FXR2: variants seen among roughly 807,000 people sequenced by gnomAD.
The protein encoded by FXR2 is FMR1 autosomal homolog 2.
FXR2 carries 9 observed loss-of-function variants against 87.3 expected under a neutral mutation model. The ratio of observed to expected loss-of-function variants is 0.10; its 90% CI spans 0.06 to 0.18. The LOEUF is 0.18. Among genes scored for constraint, FXR2 ranks in the 10% least tolerant of loss-of-function variants. The probability of loss-of-function intolerance (pLI) is 1.00; values close to 1 mark genes in which losing one functional copy is unlikely to be tolerated. For synonymous variants in FXR2, 331 were observed against 328.3 expected (o/e 1.01, Z -0.09); for missense variants, 661 against 893.6 (o/e 0.74, Z 3.32).
chr17:7,609,819 G>C (rs114476771), intron 1 of FXR2, among the ~76,000 whole-genome samples: 4,683 of 151,238 alleles, frequency 0.031, 226 homozygotes, highest in African/African-American at 0.11. Context: ...GCTGAGGCCA[G>C]GAGTTCGAGA....
At chr17:7,600,133 A>G (rs2150943302) in intron 7 of FXR2, among the ~76,000 whole-genome samples, 1 of 152,040 alleles carries the variant, frequency 6.6e-6, no homozygotes, top group Non-Finnish European at 1.5e-5. Context: ...TCCCGACCTC[A>G]GGTGATCTGC....
intron 3 of FXR2, 106 bp from the exon 4 acceptor site, chr17:7,604,186 C>T (rs2071783118): frequency 1.2e-6 from 1 of 832,942 alleles, no homozygotes; most frequent in Non-Finnish European, 2.0e-6. Flanking sequence ...AATCTCAGCG[C>T]TTTGGGAGGC....
In FXR2 at chr17:7,593,160, G is replaced by A. The variant is rs201715714; in HGVS notation, c.1352C>T (p.Thr451Ile). 506 of 1,534,624 alleles carry A rather than the reference G, an allele frequency of 3.3e-4. 3 individuals carry two copies. The highest frequency in any genetic ancestry group is 1.2e-3 in the Middle Eastern group (7 of 5,648). ...PAYGPSSDVS[T>I]ASETESEKRE... ...CTTCTCTGACTCAGTCTCTGAAGCT[G>A]TAGACACATCTGAGCTGGGGCCTGA... Residue 451 changes from threonine to isoleucine, a missense_variant, in exon 13 of 17, where the codon ACA (threonine) becomes ATA (isoleucine). Coordinates refer to ENST00000250113, the MANE Select transcript of FXR2 (RefSeq NM_004860.4). The surrounding 1 kb of genome is among the most constrained non-coding windows in gnomAD (Gnocchi z 6.1).
intron 7 of FXR2, among the ~76,000 whole-genome samples, chr17:7,599,389 C>G (rs925591564): frequency 6.6e-6 from 1 of 152,084 alleles, no homozygotes; most frequent in Non-Finnish European, 1.5e-5. Context: ...GAGCAGGATC[C>G]CTGAAGAAGT....
In FXR2 at chr17:7,603,835, G is replaced by A; in HGVS notation, c.371C>T (p.Pro124Leu). 6.2e-7 allele frequency: 1 copy of A among 1,613,918 alleles called. No individual in the cohort carries two copies. Among genetic ancestry groups the A allele is most frequent in the East Asian group, 2.2e-5 (1 of 44,886 alleles). ...NEIVTLERLR[P>L]VNPNPLATKG... ...GGTTGCAAGGGGATTGGGATTAACT[G>A]GCCGAAGTCGCTCCAGGGTAACAAT... Residue 124 changes from proline to leucine, a missense_variant, in exon 5 of 17, where the codon CCA (proline) becomes CTA (leucine). By Grantham distance (98) the Pro-to-Leu change is moderately conservative. This residue lies in a region of FXR2 where 170 missense variants were observed against 247.2 expected (regional missense o/e 0.69). Coordinates refer to ENST00000250113, the MANE Select transcript of FXR2 (RefSeq NM_004860.4).
At chr17:7,602,149 C>T (rs1210183756) in intron 6 of FXR2, among the ~76,000 whole-genome samples, 8 of 152,142 alleles carry the variant, frequency 5.3e-5, no homozygotes, top group Admixed American at 2.6e-4. Flanking sequence ...AGAGGCCGGG[C>T]GTGGTGGCTC....
intron 1 of FXR2, 52 bp downstream of exon 1, chr17:7,614,400 G>T: frequency 7.5e-7 from 1 of 1,335,476 alleles, no homozygotes. Context: ...TTCCTGCTCC[G>T]GCCAGGGGAG....
chr17:7,598,449 C>T (rs903141309), intron 7 of FXR2, among the ~76,000 whole-genome samples: 5 of 151,956 alleles, frequency 3.3e-5, no homozygotes, highest in South Asian at 2.1e-4. Context: ...AGCGAGACTC[C>T]GTCTCAAAAA....
In FXR2 at chr17:7,592,203, C is replaced by A; in HGVS notation, c.1926+51G>T. ...TGTGAAATTTTTTGTGCCCCCTGCC[C>A]CAGAGTAACAACAAAAAAGGGATGG... On this transcript the variant is annotated intron_variant, in intron 16 of 16. Coordinates refer to ENST00000250113, the MANE Select transcript of FXR2 (RefSeq NM_004860.4). The surrounding 1 kb of genome is among the most constrained non-coding windows in gnomAD (Gnocchi z 4.8). 1 of 1,545,446 alleles carries A rather than the reference C, an allele frequency of 6.5e-7. No homozygotes were observed. The highest frequency in any genetic ancestry group is 1.1e-5 in the South Asian group (1 of 88,208).
At chr17:7,605,917 T>G (rs2071799636) in intron 2 of FXR2, 179 bp from the exon 3 acceptor site, 1 of 643,796 alleles carries the variant, frequency 1.6e-6, no homozygotes, top group African/African-American at 1.8e-5. Context: ...AAATACTGGG[T>G]CAAATGCCCC....
chr17:7,602,738 G>GA (rs951665105), intron 6 of FXR2, 171 bp downstream of exon 6: 8,679 of 472,784 alleles, frequency 0.018, no homozygotes, highest in Middle Eastern at 0.023. Context: ...TCAAAAAAAA[G>GA]AAAAAAAAAA....
intron 1 of FXR2, 66 bp downstream of exon 1, chr17:7,614,386 C>A (rs180679429): frequency 7.6e-6 from 9 of 1,182,216 alleles, no homozygotes; most frequent in South Asian, 2.8e-5. Context: ...TCCCGCCCCA[C>A]GCGTTCCTGC....
In FXR2 at chr17:7,603,058, C is replaced by T. The variant is rs927398874; in HGVS notation, c.450-56G>A. ...AATGCAGAGAGTACAGTGAAGAGTT[C>T]GGGGGAGGCTGGACATGGTGGTTTG... On this transcript the variant is annotated intron_variant, in intron 5 of 16. Coordinates refer to ENST00000250113, the MANE Select transcript of FXR2 (RefSeq NM_004860.4). 26 of 858,056 alleles carry T rather than the reference C, an allele frequency of 3.0e-5. No homozygotes were observed. The African/African-American group carries it at 3.7e-4, about 12-fold the overall frequency. The allele number at this position is 858,056 out of a possible 1,614,324, so 53.2% of individuals were successfully genotyped here.
At chr17:7,608,910 G>C (rs1461537605) in intron 1 of FXR2, among the ~76,000 whole-genome samples, 1 of 152,082 alleles carries the variant, frequency 6.6e-6, no homozygotes, top group African/African-American at 2.4e-5. Flanking sequence ...AAAAAAATTA[G>C]AGAGCCCATA....
rs1597871134 is a variant in FXR2 at position 7,593,431 on chromosome 17, A to C, written c.1302T>G (p.Arg434=). 1 of 1,581,658 alleles carries C rather than the reference A, an allele frequency of 6.3e-7. No homozygotes were observed. The highest frequency in any genetic ancestry group is 8.6e-7 in the Non-Finnish European group (1 of 1,164,526). Residue 434 remains arginine (R), a synonymous_variant, in exon 12 of 17, where the codon CGT becomes CGG. Coordinates refer to ENST00000250113, the MANE Select transcript of FXR2 (RefSeq NM_004860.4). The surrounding 1 kb of genome is among the most constrained non-coding windows in gnomAD (Gnocchi z 6.1). ...AGGCAGGACCGCCTGTCCTCCGGCC[A>C]CGGCCACGGCCCCCATAGCTGCCCC... ...TYGGSYGGRG[R]GRRTGGPAYG...
At chr17:7,609,176 T>C (rs2071829118) in intron 1 of FXR2, among the ~76,000 whole-genome samples, 1 of 152,174 alleles carries the variant, frequency 6.6e-6, no homozygotes, top group Admixed American at 6.5e-5. Flanking sequence ...ACACAAGAAC[T>C]ATTCATGAGC....
At chr17:7,605,237 A>G (rs1159544018) in intron 3 of FXR2, among the ~76,000 whole-genome samples, 1 of 152,072 alleles carries the variant, frequency 6.6e-6, no homozygotes, top group Admixed American at 6.6e-5. Context: ...GCATGATGGC[A>G]GGTGCTTGTA....
intron 5 of FXR2, 32 bp downstream of exon 5, chr17:7,603,725 G>A: frequency 2.5e-6 from 4 of 1,608,122 alleles, no homozygotes. Context: ...GCTGTAAAGA[G>A]GGCCCTCATT....
In FXR2 at chr17:7,593,927, G is replaced by A; in HGVS notation, c.1098C>T (p.Ser366=). 6.2e-7 allele frequency: 1 copy of A among 1,603,498 alleles called. No homozygotes were observed. Among genetic ancestry groups the A allele is most frequent in the Non-Finnish European group, 8.5e-7 (1 of 1,170,320 alleles). ...CTCCCGGCCTGGGTACCTGCAGGTAGGAGAGGTGATACTCCAGCAAAGCCT... is the reference window on the plus strand; with the variant it reads ...CTCCCGGCCTGGGTACCTGCAGGTAAGAGAGGTGATACTCCAGCAAAGCCT... ...NAQALLEYHL[S]YLQEVEQLRL... The change falls in exon 11 of 17, where the codon TCC becomes TCT. Residue 366 remains serine (S), a synonymous_variant. Transcript: ENST00000250113. The surrounding 1 kb of genome is among the most constrained non-coding windows in gnomAD (Gnocchi z 6.1).
Sources: allele counts gnomAD v4.1 joint callset (sites outside exome capture counted in the v4.1 genomes callset), GRCh38; gene constraint gnomAD v4.1.1; regional missense constraint gnomAD v4.1.1; non-coding constraint Gnocchi (gnomAD v3.1); transcripts MANE v1.5; gene names NCBI Gene and HGNC (gene_info 2026-07-23, HGNC 2026-07-21).